Variants in KIRREL3 observed in about 807,000 individuals in gnomAD.
KIRREL3 encodes kirre like nephrin family adhesion molecule 3, also known as kin of IRRE-like protein 3.
KIRREL3 carries 36 observed loss-of-function variants against 89.7 expected under a neutral mutation model. The ratio of observed to expected loss-of-function variants is 0.40; its 90% CI spans 0.31 to 0.53. The LOEUF (loss-of-function observed/expected upper bound fraction) is 0.53. KIRREL3 is among the 20% of genes least tolerant of loss of function. The pLI is 0.49. For synonymous variants in KIRREL3, 445 were observed against 441.4 expected, an observed-to-expected ratio of 1.01 and a Z score of -0.10; for missense variants, 864 against 1,056.6, an observed-to-expected ratio of 0.82 and a Z score of 2.53.
Position 126,782,325 on chromosome 11 carries a change from G to A in KIRREL3, c.55+218130C>T, listed in dbSNP as rs1451616924. On this transcript the variant is annotated intron_variant, in intron 1 of 16. Transcript: ENST00000525144. The surrounding 1 kb of genome is among the most constrained non-coding windows in gnomAD (Gnocchi z 4.1). ...TTGTGCTAAGCTGAGATTTTTTGAT[G>A]TTTATTTGTTCCTGCAGCTTTGCCT... Among the ~76,000 whole-genome samples, 1 of 152,208 alleles carries A rather than the reference G, an allele frequency of 6.6e-6. No homozygotes were observed. The highest frequency in any genetic ancestry group is 2.1e-4 in the South Asian group (1 of 4,832).
intron 2 of KIRREL3, among the ~76,000 whole-genome samples, chr11:126,556,508 G>T (rs961843849): frequency 6.6e-6 from 1 of 152,186 alleles, no homozygotes; most frequent in South Asian, 2.1e-4. Context: ...GGGCATGGTG[G>T]TGCATGCTTG....
In KIRREL3 at chr11:126,607,027, G is replaced by T. The variant is rs148993032; in HGVS notation, c.56-44115C>A. Among the ~76,000 whole-genome samples the T allele has an allele frequency of 2.6e-3, 389 of 152,262 alleles. No homozygotes were observed. The highest frequency in any genetic ancestry group is 4.7e-3 in the Non-Finnish European group (318 of 68,016). On this transcript the variant is annotated intron_variant, in intron 1 of 16. Transcript: ENST00000525144. This position sits in a 1 kb window ranked among gnomAD's most constrained non-coding sequence, Gnocchi z 6.6. ...AGGGTTTTTAAATTGCATGCCACAT[G>T]TTTATCCTTATTAAGCAGTTGTTCT...
intron 1 of KIRREL3, among the ~76,000 whole-genome samples, chr11:126,646,461 T>A (rs1454017628): frequency 6.7e-6 from 1 of 149,674 alleles, no homozygotes; most frequent in African/African-American, 2.5e-5. Context: ...ACTCTAAATT[T>A]GTGCCCCAAG....
At chr11:126,757,627 G>T (rs1229430629) in intron 1 of KIRREL3, among the ~76,000 whole-genome samples, 1 of 152,062 alleles carries the variant, frequency 6.6e-6, no homozygotes, top group Non-Finnish European at 1.5e-5. Flanking sequence ...TCCTTGATCT[G>T]GTGACATTTT....
At chr11:126,435,495 G>T (rs1955290596) in intron 12 of KIRREL3, among the ~76,000 whole-genome samples, 192 bp from the exon 13 acceptor site, 1 of 151,300 alleles carries the variant, frequency 6.6e-6, no homozygotes, top group Non-Finnish European at 1.5e-5. Flanking sequence ...AGACTCTGGA[G>T]GGGCTAGGGA....
chr11:126,809,437 A>G (rs2134418143), intron 1 of KIRREL3, among the ~76,000 whole-genome samples: 1 of 152,340 alleles, frequency 6.6e-6, no homozygotes, highest in East Asian at 1.9e-4. Context: ...GGATATTAGA[A>G]TCTGAAAGGG....
chr11:126,852,123 G>A lies in KIRREL3; in HGVS notation c.55+148332C>T, dbSNP rs368156712. Among the ~76,000 whole-genome samples, 228 of 145,026 alleles carry A rather than the reference G, an allele frequency of 1.6e-3. 3 individuals carry two copies. The South Asian group carries it at 0.037, about 24-fold the overall frequency. On this transcript the variant is annotated intron_variant, in intron 1 of 16. Coordinates refer to ENST00000525144, the MANE Select transcript of KIRREL3 (RefSeq NM_032531.4). ...GGCCGGAGTGCAGTGGTGCGATCTC[G>A]GCTCACTGCAACCTCTGCCTCCCGG... is the stretch of plus-strand genomic sequence containing the variant.
chr11:126,865,167 G>C (rs1315880558), intron 1 of KIRREL3, among the ~76,000 whole-genome samples: 1 of 152,206 alleles, frequency 6.6e-6, no homozygotes, highest in Non-Finnish European at 1.5e-5. Context: ...ATATATCCCT[G>C]TATGAACCCA....
At chr11:126,821,868 G>A (rs1943237753) in intron 1 of KIRREL3, among the ~76,000 whole-genome samples, 1 of 152,174 alleles carries the variant, frequency 6.6e-6, no homozygotes, top group African/African-American at 2.4e-5. Flanking sequence ...GCAGCCTCTG[G>A]AAGGTGGAAA....
intron 1 of KIRREL3, among the ~76,000 whole-genome samples, chr11:126,859,795 A>G (rs1041869364): frequency 6.6e-6 from 1 of 152,210 alleles, no homozygotes; most frequent in African/African-American, 2.4e-5. Flanking sequence ...AAGGAGGATG[A>G]ACCGAGAGTC....
In KIRREL3 at chr11:126,677,898, G is replaced by A. The variant is rs566392848; in HGVS notation, c.56-114986C>T. Reference sequence around the variant, plus strand: ...TGTTCCCAACCAGATGATTATGGCTGTTGTCACCACCAAGCCCTGTCTTGT... The same window carrying A: ...TGTTCCCAACCAGATGATTATGGCTATTGTCACCACCAAGCCCTGTCTTGT... On this transcript the variant is annotated intron_variant, in intron 1 of 16. Transcript: ENST00000525144. The surrounding 1 kb of genome is among the most constrained non-coding windows in gnomAD (Gnocchi z 5.1). Among the ~76,000 whole-genome samples the A allele has an allele frequency of 1.3e-5, 2 of 152,224 alleles. No homozygotes were observed. Among genetic ancestry groups the A allele is most frequent in the East Asian group, 3.9e-4 (2 of 5,166 alleles).
rs538045495 is a variant in KIRREL3 at position 126,459,781 on chromosome 11, AAG to A, written c.743-3329_743-3328del. 1.3e-3 allele frequency among the ~76,000 whole-genome samples: 191 copies of A among 152,210 alleles called. No homozygotes were observed. Among genetic ancestry groups the A allele is most frequent in the African/African-American group, 4.0e-3 (168 of 41,544 alleles). ...TATTACATGGAGGAGAGGGTGGGAA[AAG>A]AGAGAATCTTCATGACTCAGTGATT... On this transcript the variant is annotated intron_variant, in intron 6 of 16. Transcript: ENST00000525144. The surrounding 1 kb of genome is among the most constrained non-coding windows in gnomAD (Gnocchi z 4.8).
intron 4 of KIRREL3, among the ~76,000 whole-genome samples, chr11:126,503,438 G>C (rs1034005564): frequency 1.3e-5 from 2 of 152,162 alleles, no homozygotes; most frequent in Admixed American, 6.5e-5. Context: ...TGTTGAGGGG[G>C]AGGGGTTCTG....
intron 1 of KIRREL3, among the ~76,000 whole-genome samples, chr11:126,637,394 C>T (rs1040622415): frequency 9.8e-5 from 15 of 152,292 alleles, no homozygotes; most frequent in African/African-American, 3.1e-4. Flanking sequence ...GGCCCTTGGC[C>T]TCATGTTCCC....
intron 1 of KIRREL3, among the ~76,000 whole-genome samples, chr11:126,731,769 T>A (rs1252604771): frequency 3.3e-5 from 5 of 152,250 alleles, no homozygotes; most frequent in Admixed American, 3.3e-4. Context: ...AACAAGAAAC[T>A]AATCACATGT....
At chr11:126,836,370 G>T (rs932609787) in intron 1 of KIRREL3, among the ~76,000 whole-genome samples, 12 of 152,166 alleles carry the variant, frequency 7.9e-5, no homozygotes, top group Non-Finnish European at 1.8e-4. Context: ...TATAAATCCT[G>T]ACTCCAATGA....
In KIRREL3 at chr11:126,528,295, G is replaced by C. The variant is rs553126323; in HGVS notation, c.134-1608C>G. Among the ~76,000 whole-genome samples, 76 of 152,316 alleles carry C rather than the reference G, an allele frequency of 5.0e-4. 1 individual carries two copies. The East Asian group carries it at 0.013, about 26-fold the overall frequency. ...GGACACTGGCTGCTGCCCATCTTGG[G>C]GACAAAAAGCCCCAGGCTTGGGCCA... On this transcript the variant is annotated intron_variant, in intron 2 of 16. Coordinates refer to ENST00000525144, the MANE Select transcript of KIRREL3 (RefSeq NM_032531.4). This position sits in a 1 kb window ranked among gnomAD's most constrained non-coding sequence, Gnocchi z 4.6.
chr11:126,763,203 C>G lies in KIRREL3; in HGVS notation c.56-200291G>C, dbSNP rs971953754. ...TGTGATCTTGAACAACTCCTCTTCT[C>G]CCTGAGCAAAATGAGGGGGCTAGAT... On this transcript the variant is annotated intron_variant, in intron 1 of 16. Transcript: ENST00000525144. The surrounding 1 kb of genome is among the most constrained non-coding windows in gnomAD (Gnocchi z 4.7). Among the ~76,000 whole-genome samples, 3 of 152,186 alleles carry G rather than the reference C, an allele frequency of 2.0e-5. No individual in the cohort carries two copies. The South Asian group carries it at 6.2e-4, about 32-fold the overall frequency.
Position 126,755,220 on chromosome 11 carries a change from T to C in KIRREL3, c.56-192308A>G, listed in dbSNP as rs1291315449. On this transcript the variant is annotated intron_variant, in intron 1 of 16. Coordinates refer to ENST00000525144, the MANE Select transcript of KIRREL3 (RefSeq NM_032531.4). This position sits in a 1 kb window ranked among gnomAD's most constrained non-coding sequence, Gnocchi z 4.3. ...CATTAAGTAACCAGAGGGAAAAAAA[T>C]GTATTCCCATCCGAGGCCCTTGCCT... Among the ~76,000 whole-genome samples, 1 of 152,030 alleles carries C rather than the reference T, an allele frequency of 6.6e-6. No individual in the cohort carries two copies. The highest frequency in any genetic ancestry group is 1.5e-5 in the Non-Finnish European group (1 of 68,002).
Sources: allele counts gnomAD v4.1 joint callset (sites outside exome capture counted in the v4.1 genomes callset), GRCh38; gene constraint gnomAD v4.1.1; non-coding constraint Gnocchi (gnomAD v3.1); transcripts MANE v1.5; gene names NCBI Gene and HGNC (gene_info 2026-07-23, HGNC 2026-07-21).